The following ANXA2 variants were observed in gnomAD, a reference collection of about 807,000 sequenced individuals.
The protein encoded by ANXA2 is annexin A2, also known as annexin II.
ANXA2 carries 28 observed loss-of-function variants against 47.3 expected under a neutral mutation model. That is an observed-to-expected ratio of 0.59 (90% CI 0.44 to 0.81). The LOEUF (loss-of-function observed/expected upper bound fraction) is 0.81. ANXA2 is among the 40% of genes least tolerant of loss of function. The pLI, the probability that ANXA2 is intolerant of heterozygous loss-of-function variation, is 0.00. For missense variants in ANXA2, 384 were observed against 414.3 expected (o/e 0.93, Z 0.64); for synonymous variants, 172 against 155.5 (o/e 1.11, Z -0.79).
At chr15:60,385,989 A>G in intron 2 of ANXA2, 39 bp downstream of exon 2, 1 of 1,482,496 alleles carries the variant, frequency 6.7e-7, no homozygotes, top group African/African-American at 1.4e-5. Flanking sequence ...GAGATGTCCA[A>G]CTTGCAAAAA....
At chr15:60,349,649 G>T (rs1895896656) in intron 11 of ANXA2, among the ~76,000 whole-genome samples, 1 of 151,122 alleles carries the variant, frequency 6.6e-6, no homozygotes, top group South Asian at 2.1e-4. Flanking sequence ...CACCACGAAA[G>T]AACTTATTCA....
intron 3 of ANXA2, among the ~76,000 whole-genome samples, chr15:60,378,300 T>C (rs181170538): frequency 1.9e-4 from 29 of 152,338 alleles, no homozygotes; most frequent in African/African-American, 5.5e-4. Context: ...GCAAATCGTA[T>C]GGCAGATTAA....
intron 3 of ANXA2, among the ~76,000 whole-genome samples, chr15:60,366,535 G>A (rs1356007812): frequency 3.3e-5 from 5 of 149,690 alleles, no homozygotes; most frequent in South Asian, 2.1e-4. Flanking sequence ...CTGCCCGGCC[G>A]CTCCGTCTGA....
chr15:60,372,040 T>G lies in ANXA2; in HGVS notation c.149-7517A>C, dbSNP rs184441611. ...GGCACATGCGTGTAATCCCAGCTAC[T>G]CGGGAGGCTGAGGCTGGAGAATCAC... On this transcript the variant is annotated intron_variant, in intron 3 of 12. Transcript: ENST00000451270. Among the ~76,000 whole-genome samples, 4 of 152,138 alleles carry G rather than the reference T, an allele frequency of 2.6e-5. No individual in the cohort carries two copies. The East Asian group carries it at 7.7e-4, about 29-fold the overall frequency.
intron 4 of ANXA2, among the ~76,000 whole-genome samples, chr15:60,362,309 C>T (rs139338176): frequency 6.3e-4 from 96 of 152,354 alleles, no homozygotes; most frequent in Middle Eastern, 6.8e-3. Context: ...CACCTACTGA[C>T]TTCTTCCACT....
rs935168935 is a variant in ANXA2 at position 60,381,201 on chromosome 15, G to A, written c.148+1141C>T. Among the ~76,000 whole-genome samples, 72 of 152,256 alleles carry A rather than the reference G, an allele frequency of 4.7e-4. 1 individual carries two copies. Among genetic ancestry groups the A allele is most frequent in the African/African-American group, 1.6e-3 (65 of 41,554 alleles). On this transcript the variant is annotated intron_variant, in intron 3 of 12. Transcript: ENST00000451270. ...GGTTGAGGTTTCTCAGTCTTTCAACGAACCGTATGTGAACTATATAAGTGT... is the reference window on the plus strand; with the variant it reads ...GGTTGAGGTTTCTCAGTCTTTCAACAAACCGTATGTGAACTATATAAGTGT...
Position 60,393,139 on chromosome 15 carries a change from T to C in ANXA2, c.-12+4804A>G, listed in dbSNP as rs751839155. The C allele has an allele frequency of 3.1e-6, 4 of 1,281,606 alleles. No individual in the cohort carries two copies. The South Asian group carries it at 3.8e-5, about 12-fold the overall frequency. 79.4% of individuals were successfully genotyped at this position (1,281,606 alleles called of 1,614,324 possible). On this transcript the variant is annotated intron_variant, in intron 1 of 12. Coordinates refer to ENST00000451270, the MANE Select transcript of ANXA2 (RefSeq NM_004039.3). ...CCAGAATTCCTGGAATTCGGCCCAG[T>C]GACCTCGATCAAACTGAGCAGGAGG...
At chr15:60,375,861 T>C (rs1421952291) in intron 3 of ANXA2, among the ~76,000 whole-genome samples, 2 of 152,098 alleles carry the variant, frequency 1.3e-5, no homozygotes, top group East Asian at 1.9e-4. Flanking sequence ...GACCAAGAAA[T>C]AGCTGGTTCT....
At chr15:60,347,944 C>G (rs1895800056) in intron 12 of ANXA2, among the ~76,000 whole-genome samples, 1 of 152,166 alleles carries the variant, frequency 6.6e-6, no homozygotes. Flanking sequence ...GGAGGGAGTG[C>G]AAGGTGCTGA....
Position 60,352,597 on chromosome 15 carries a change from A to G in ANXA2, c.589-121T>C, listed in dbSNP as rs1595662499. On this transcript the variant is annotated intron_variant, in intron 8 of 12. Transcript: ENST00000451270. This position sits in a 1 kb window ranked among gnomAD's most constrained non-coding sequence, Gnocchi z 4.2. The stretch of plus-strand genomic sequence containing the variant: ...AAATGCCAAACGAGGAAAGATGATT[A>G]TACTGCAGACATGGGCAGAGACCTA... The G allele has an allele frequency of 2.8e-6, 2 of 718,750 alleles. No individual in the cohort carries two copies. Among genetic ancestry groups the G allele is most frequent in the African/African-American group, 1.8e-5 (1 of 56,260 alleles). The allele number at this position is 718,750 out of a possible 1,614,324, so 44.5% of individuals were successfully genotyped here.
At chr15:60,360,150 G>A (rs1277803343) in intron 5 of ANXA2, among the ~76,000 whole-genome samples, 2 of 152,160 alleles carry the variant, frequency 1.3e-5, no homozygotes, top group East Asian at 3.9e-4. Flanking sequence ...CAGCTACTCG[G>A]GATGCTGAGG....
At chr15:60,369,798 T>A (rs78438651) in intron 3 of ANXA2, among the ~76,000 whole-genome samples, 1 of 152,220 alleles carries the variant, frequency 6.6e-6, no homozygotes, top group Non-Finnish European at 1.5e-5. Flanking sequence ...TCTACCTATC[T>A]AAAAGACTTC....
At chr15:60,366,573 C>G (rs1299821192) in intron 3 of ANXA2, among the ~76,000 whole-genome samples, 1 of 149,912 alleles carries the variant, frequency 6.7e-6, no homozygotes, top group Non-Finnish European at 1.5e-5. Context: ...TGCCTGGCAA[C>G]CGCCCCGTCT....
At chr15:60,397,410 C>G (rs2140952934) in intron 1 of ANXA2, 1 of 750,636 alleles carries the variant, frequency 1.3e-6, no homozygotes, top group Non-Finnish European at 1.6e-6. Flanking sequence ...TACTCACACT[C>G]CCCCCTCTCG....
intron 1 of ANXA2, among the ~76,000 whole-genome samples, chr15:60,393,851 G>A (rs1399411770): frequency 1.3e-5 from 2 of 152,162 alleles, no homozygotes; most frequent in Admixed American, 6.5e-5. Context: ...CCTGGCACAC[G>A]ATAGGCATTC....
intron 9 of ANXA2, 69 bp from the exon 10 acceptor site, chr15:60,351,888 A>C: frequency 9.6e-7 from 1 of 1,041,700 alleles, no homozygotes; most frequent in South Asian, 1.3e-5. Flanking sequence ...TCACCCACCT[A>C]GTTTTATGCA....
intron 3 of ANXA2, among the ~76,000 whole-genome samples, chr15:60,378,706 C>T (rs935871085): frequency 6.6e-6 from 1 of 152,174 alleles, no homozygotes; most frequent in Non-Finnish European, 1.5e-5. Flanking sequence ...TGTCTCATAC[C>T]TGTAATCCCA....
At chr15:60,388,647 C>T (rs770177043) in intron 1 of ANXA2, among the ~76,000 whole-genome samples, 4 of 150,090 alleles carry the variant, frequency 2.7e-5, no homozygotes, top group Admixed American at 2.7e-4. Context: ...GTTGCCCAGG[C>T]TGGTCTTGAA....
At chr15:60,357,721 G>A (rs1056612439) in intron 5 of ANXA2, among the ~76,000 whole-genome samples, 2 of 151,904 alleles carry the variant, frequency 1.3e-5, no homozygotes, top group African/African-American at 2.4e-5. Flanking sequence ...GTGAACCTGG[G>A]AGGTGGAGCT....
Sources: gnomAD v4.1 joint callset for allele counts (sites outside exome capture counted in the v4.1 genomes callset) on GRCh38, gnomAD v4.1.1 for gene constraint, Gnocchi (gnomAD v3.1) non-coding constraint, MANE v1.5 for transcripts, NCBI Gene and HGNC (gene_info 2026-07-23, HGNC 2026-07-21) for gene names.